The following ATP8B4 variants were observed in gnomAD, a reference collection of about 807,000 sequenced individuals.
ATP8B4 encodes the protein ATPase phospholipid transporting 8B4 (putative), also known as probable phospholipid-transporting ATPase IM.
ATP8B4 carries 133 observed loss-of-function variants against 145.6 expected under a neutral mutation model. The observed-to-expected ratio is 0.91, with a 90% confidence interval of 0.79 to 1.05. The LOEUF is 1.05. ATP8B4 is among the 50% of genes least tolerant of loss of function. ATP8B4 has a pLI of 0.00. For synonymous variants in ATP8B4, 507 were observed against 492.9 expected, an observed-to-expected ratio of 1.03 and a Z score of -0.38; for missense variants, 1,458 against 1,425.2, an observed-to-expected ratio of 1.02 and a Z score of -0.37.
intron 1 of ATP8B4, among the ~76,000 whole-genome samples, chr15:50,160,783 T>C (rs948028506): frequency 1.3e-5 from 2 of 152,144 alleles, no homozygotes; most frequent in Non-Finnish European, 2.9e-5. Context: ...GACTTGTTTG[T>C]GGCTTAAGAT....
chr15:50,003,031 G>T (rs972795112), intron 7 of ATP8B4, among the ~76,000 whole-genome samples: 26 of 151,850 alleles, frequency 1.7e-4, no homozygotes, highest in Admixed American at 1.3e-4. Flanking sequence ...AATTTTGAAG[G>T]GTCTGAATGT....
At chr15:49,893,656 A>G (rs968850071) in intron 23 of ATP8B4, among the ~76,000 whole-genome samples, 2 of 152,192 alleles carry the variant, frequency 1.3e-5, no homozygotes. Flanking sequence ...GGGGAAATGC[A>G]GAGTTGTTAT....
At chr15:49,866,699 C>T (rs902794490) in intron 25 of ATP8B4, among the ~76,000 whole-genome samples, 4 of 152,252 alleles carry the variant, frequency 2.6e-5, no homozygotes, top group Admixed American at 6.5e-5. Context: ...CTTCTATACG[C>T]AAGCCATTAT....
At chr15:49,994,609 G>A (rs1387407702) in intron 9 of ATP8B4, among the ~76,000 whole-genome samples, 1 of 151,892 alleles carries the variant, frequency 6.6e-6, no homozygotes, top group Non-Finnish European at 1.5e-5. Context: ...ATGCCAGACA[G>A]TGCTAAGTGC....
rs556334604 is a variant in ATP8B4 at position 50,018,871 on chromosome 15, G to A, written c.363-7954C>T. The A allele has an allele frequency of 1.5e-4, 167 of 1,117,104 alleles. No homozygotes were observed. The African/African-American group carries it at 1.5e-3, about 10-fold the overall frequency. The allele number at this position is 1,117,104 out of a possible 1,614,324, so 69.2% of individuals were successfully genotyped here. A position where few individuals can be genotyped will look rare whatever the true frequency, so the allele number is the denominator to read the frequency against. On this transcript the variant is annotated intron_variant, in intron 6 of 27. Transcript: ENST00000284509. ...AAATATCTCTACTCTCTGAAGCTTC[G>A]ACCATTATGTCACTTACATTTTTCT...
chr15:49,869,430 T>C (rs577045825), intron 25 of ATP8B4, among the ~76,000 whole-genome samples: 1 of 152,094 alleles, frequency 6.6e-6, no homozygotes, highest in Non-Finnish European at 1.5e-5. Context: ...TTGGCCCAGA[T>C]TATGTATCAG....
At chr15:50,086,021 T>C (rs1429555228) in intron 2 of ATP8B4, among the ~76,000 whole-genome samples, 1 of 103,756 alleles carries the variant, frequency 9.6e-6, no homozygotes, top group African/African-American at 4.3e-5. Context: ...TATATAGATC[T>C]ATATTTATTA....
In ATP8B4 at chr15:50,038,631, G is replaced by T. The variant is rs910573185; in HGVS notation, c.362+137C>A. ...AAAAGAGAGCCATGAAGATAAAATG[G>T]AATTAAAGTTCAATTTTTAATAAAT... is the stretch of plus-strand genomic sequence containing the variant. On this transcript the variant is annotated intron_variant, in intron 6 of 27. Transcript: ENST00000284509. 9.0e-6 allele frequency: 6 copies of T among 670,102 alleles called. No individual in the cohort carries two copies. In the African/African-American group the frequency reaches 9.2e-5, roughly 10 times the overall value. The allele number at this position is 670,102 out of a possible 1,614,324, so 41.5% of individuals were successfully genotyped here.
intron 3 of ATP8B4, among the ~76,000 whole-genome samples, chr15:50,049,432 C>A (rs547541351): frequency 6.6e-6 from 1 of 152,320 alleles, no homozygotes; most frequent in Non-Finnish European, 1.5e-5. Flanking sequence ...TAATTCACTT[C>A]AGATAATGGC....
intron 4 of ATP8B4, among the ~76,000 whole-genome samples, chr15:50,046,496 A>G (rs1169108488): frequency 6.6e-6 from 1 of 152,274 alleles, no homozygotes; most frequent in Non-Finnish European, 1.5e-5. Flanking sequence ...TGAGATACCC[A>G]TGAATAATTT....
chr15:50,019,968 C>CTT (rs34120425), intron 6 of ATP8B4, among the ~76,000 whole-genome samples: 102 of 148,830 alleles, frequency 6.9e-4, no homozygotes, highest in African/African-American at 2.2e-3. Context: ...GGCCAAATGA[C>CTT]TTTTTTTTTT....
intron 1 of ATP8B4, among the ~76,000 whole-genome samples, chr15:50,157,625 A>AT (rs752008364): frequency 0.014 from 2,111 of 151,416 alleles, 14 homozygotes; most frequent in Non-Finnish European, 0.021. Context: ...AAATTTTAGG[A>AT]TTTTTTTTTC....
At chr15:50,078,220 AC>A (rs2054310045) in intron 2 of ATP8B4, among the ~76,000 whole-genome samples, 1 of 150,776 alleles carries the variant, frequency 6.6e-6, no homozygotes, top group Non-Finnish European at 1.5e-5. Flanking sequence ...CCACTCTGTC[AC>A]CCAGGCTGGT....
chr15:50,029,869 C>A (rs1740459324), intron 6 of ATP8B4, among the ~76,000 whole-genome samples: 2 of 152,196 alleles, frequency 1.3e-5, no homozygotes, highest in African/African-American at 4.8e-5. Flanking sequence ...TTACTACACA[C>A]AGCAAAAACA....
intron 6 of ATP8B4, among the ~76,000 whole-genome samples, chr15:50,025,527 C>T (rs780512010): frequency 6.6e-6 from 1 of 152,196 alleles, no homozygotes; most frequent in African/African-American, 2.4e-5. Flanking sequence ...ACTCCTATTA[C>T]CACCTTTGCC....
intron 9 of ATP8B4, among the ~76,000 whole-genome samples, chr15:49,990,749 C>T (rs1384418925): frequency 6.6e-6 from 1 of 152,176 alleles, no homozygotes; most frequent in South Asian, 2.1e-4. Flanking sequence ...CTGGCTTCAT[C>T]TCTTCCTATA....
At chr15:49,931,623 G>T (rs909494149) in intron 15 of ATP8B4, among the ~76,000 whole-genome samples, 6 of 152,058 alleles carry the variant, frequency 3.9e-5, no homozygotes, top group Admixed American at 1.3e-4. Context: ...GACTAGAGAT[G>T]TGCCATGAAT....
intron 2 of ATP8B4, among the ~76,000 whole-genome samples, chr15:50,086,141 A>T (rs1274610673): frequency 1.1e-5 from 1 of 87,204 alleles, no homozygotes; most frequent in Non-Finnish European, 2.0e-5. Flanking sequence ...AATAAAATAG[A>T]TCTATATTTA....
chr15:50,046,240 ATTCC>A (rs1163114849), intron 4 of ATP8B4, among the ~76,000 whole-genome samples: 7 of 152,070 alleles, frequency 4.6e-5, no homozygotes, highest in African/African-American at 1.7e-4. Flanking sequence ...AGAAAAAGTA[ATTCC>A]TTCATTCGTT....
Sources: allele counts gnomAD v4.1 joint callset (sites outside exome capture counted in the v4.1 genomes callset), GRCh38; gene constraint gnomAD v4.1.1; transcripts MANE v1.5; gene names NCBI Gene and HGNC (gene_info 2026-07-23, HGNC 2026-07-21).